Variants in USP26 observed in about 807,000 individuals in gnomAD.
The protein encoded by USP26 is ubiquitin carboxyl-terminal hydrolase 26.
For synonymous variants in USP26, 236 were observed against 240.6 expected (o/e 0.98, Z 0.18); for missense variants, 649 against 642.3 (o/e 1.01, Z -0.11).
chrX:133,024,768 T>C lies in USP26; in HGVS notation c.*711A>G, dbSNP rs146049107. ...AACCAAGGTAGTGTATGTAGTACAG[T>C]AGTGGTTCTCAAACTGTATCAAGCA... On this transcript the variant is annotated 3_prime_UTR_variant, in exon 6 of 6. Coordinates refer to ENST00000511190, the MANE Select transcript of USP26 (RefSeq NM_031907.3). The C allele has an allele frequency of 9.0e-6, 1 of 111,632 alleles. No homozygotes were observed. Among genetic ancestry groups the C allele is most frequent in the Non-Finnish European group, 1.9e-5 (1 of 53,333 alleles). The allele number at this position is 111,632 out of a possible 1,213,427, so 9.2% of individuals were successfully genotyped here.
intron 5 of USP26, among the ~76,000 whole-genome samples, chrX:133,065,835 C>T (rs1376321132): frequency 8.9e-6 from 1 of 112,074 alleles, no homozygotes; most frequent in Admixed American, 9.5e-5. Flanking sequence ...TGCCCTCTCT[C>T]ACCACTTCTA....
intron 5 of USP26, among the ~76,000 whole-genome samples, chrX:133,057,844 T>TTATATATATATATATATATATATACA (rs1198872172): frequency 3.3e-5 from 1 of 30,659 alleles, no homozygotes; most frequent in Non-Finnish European, 5.2e-5. Context: ...ATACTTTACA[T>TTATATATATATATATATATATATACA]TATATATATA....
intron 1 of USP26, among the ~76,000 whole-genome samples, chrX:133,091,721 G>T (rs1391634531): frequency 2.7e-5 from 3 of 111,469 alleles, no homozygotes; most frequent in Non-Finnish European, 5.6e-5. Context: ...CTAGGAAGGG[G>T]TTTCAATGCC....
At chrX:133,035,769 G>T (rs1310008659) in intron 5 of USP26, among the ~76,000 whole-genome samples, 1 of 112,113 alleles carries the variant, frequency 8.9e-6, no homozygotes, top group African/African-American at 3.2e-5. Context: ...TAATGGATCA[G>T]CAGGTAAAGA....
In USP26 at chrX:133,025,277, C is replaced by T. The variant is rs187122546; in HGVS notation, c.*202G>A. 5.2e-5 allele frequency: 27 copies of T among 519,187 alleles called. 1 individual carries two copies. The highest frequency in any genetic ancestry group is 5.0e-4 in the African/African-American group (21 of 41,803). The allele number at this position is 519,187 out of a possible 1,213,427, so 42.8% of individuals were successfully genotyped here. On this transcript the variant is annotated 3_prime_UTR_variant, in exon 6 of 6. Transcript: ENST00000511190. Reference sequence around the variant, plus strand: ...TTCAGTCTTGTAGGAGAGAAGGATGCTCATCAGCCAGAGCTATGGGATTGA... The same window carrying T: ...TTCAGTCTTGTAGGAGAGAAGGATGTTCATCAGCCAGAGCTATGGGATTGA...
chrX:133,073,716 T>C (rs2067537873), intron 5 of USP26, among the ~76,000 whole-genome samples: 1 of 111,885 alleles, frequency 8.9e-6, no homozygotes. Context: ...AGAAACCCTG[T>C]ATGACTTTGA....
At chrX:133,076,277 G>C (rs2067548221) in intron 5 of USP26, among the ~76,000 whole-genome samples, 1 of 111,330 alleles carries the variant, frequency 9.0e-6, no homozygotes, top group East Asian at 2.8e-4. Context: ...ATGATGCTAT[G>C]AAATTTCCTC....
intron 5 of USP26, among the ~76,000 whole-genome samples, chrX:133,041,186 C>T (rs1282974517): frequency 1.8e-5 from 2 of 111,107 alleles, no homozygotes; most frequent in Non-Finnish European, 3.8e-5. Context: ...CTGAAGACTA[C>T]TTCTGCCAAT....
At chrX:133,086,637 C>T (rs374762980) in intron 4 of USP26, among the ~76,000 whole-genome samples, 7 of 110,261 alleles carry the variant, frequency 6.3e-5, no homozygotes, top group Non-Finnish European at 3.8e-5. Context: ...TAAGGCCGGA[C>T]GCAGTGGCTC....
intron 1 of USP26, among the ~76,000 whole-genome samples, chrX:133,091,842 G>T (rs2067609057): frequency 8.9e-6 from 1 of 111,734 alleles, no homozygotes; most frequent in East Asian, 2.8e-4. Context: ...CTTGACAATT[G>T]ATTCCAATTC....
Position 133,086,638 on chromosome X carries a change from G to A in USP26, c.-141-2867C>T, listed in dbSNP as rs778798587. On this transcript the variant is annotated intron_variant, in intron 4 of 5. Transcript: ENST00000511190. ...AAAAGTAATAATAATAAGGCCGGAC[G>A]CAGTGGCTCACGCCTGTAATCCCAG... 1.0e-4 allele frequency among the ~76,000 whole-genome samples: 11 copies of A among 110,548 alleles called. No individual in the cohort carries two copies. The East Asian group carries it at 1.1e-3, about 11-fold the overall frequency.
intron 5 of USP26, among the ~76,000 whole-genome samples, chrX:133,076,230 G>A (rs1387448985): frequency 5.4e-5 from 6 of 111,520 alleles, no homozygotes; most frequent in South Asian, 3.8e-4. Flanking sequence ...TTTAAACTAC[G>A]TGATGCCTTT....
chrX:133,068,929 A>G (rs1212904223), intron 5 of USP26, among the ~76,000 whole-genome samples: 2 of 112,469 alleles, frequency 1.8e-5, no homozygotes, highest in Non-Finnish European at 3.8e-5. Flanking sequence ...TTATTAACTC[A>G]TATCAATAGA....
intron 1 of USP26, among the ~76,000 whole-genome samples, chrX:133,092,609 C>T (rs1323790814): frequency 1.8e-5 from 2 of 111,951 alleles, no homozygotes; most frequent in Non-Finnish European, 3.8e-5. Context: ...TGGGTATGCT[C>T]TTTGGAAAAT....
intron 5 of USP26, among the ~76,000 whole-genome samples, chrX:133,080,801 A>G (rs770578603): frequency 8.9e-6 from 1 of 111,822 alleles, no homozygotes; most frequent in Non-Finnish European, 1.9e-5. Context: ...ACACTTATTT[A>G]GAGCATTTTA....
chrX:133,035,724 C>G (rs1412822777), intron 5 of USP26, among the ~76,000 whole-genome samples: 1 of 111,815 alleles, frequency 8.9e-6, no homozygotes, highest in Non-Finnish European at 1.9e-5. Flanking sequence ...ATGAGACATC[C>G]AAATCTTACA....
intron 5 of USP26, among the ~76,000 whole-genome samples, chrX:133,048,796 T>C (rs903745595): frequency 2.7e-5 from 3 of 111,755 alleles, no homozygotes; most frequent in African/African-American, 9.8e-5. Context: ...TCTGCCCGCC[T>C]TGGCCTCCCA....
chrX:133,069,916 C>T (rs1210793184), intron 5 of USP26, among the ~76,000 whole-genome samples: 1 of 111,383 alleles, frequency 9.0e-6, no homozygotes, highest in Non-Finnish European at 1.9e-5. Flanking sequence ...GAGAGAATTG[C>T]AAAATAAATG....
At chrX:133,064,663 T>C (rs762907319) in intron 5 of USP26, among the ~76,000 whole-genome samples, 1 of 111,861 alleles carries the variant, frequency 8.9e-6, no homozygotes, top group Non-Finnish European at 1.9e-5. Context: ...AATATCAAAG[T>C]TCTTTGAAAC....
Sources: gnomAD v4.1 joint callset for allele counts (sites outside exome capture counted in the v4.1 genomes callset) on GRCh38, gnomAD v4.1.1 for gene constraint, MANE v1.5 for transcripts, NCBI Gene and HGNC (gene_info 2026-07-23, HGNC 2026-07-21) for gene names.